Variants in TGFBR3 observed in about 807,000 individuals in gnomAD.
TGFBR3 encodes the protein transforming growth factor beta receptor type 3.
TGFBR3 carries 46 observed loss-of-function variants against 87.9 expected under a neutral mutation model. The observed-to-expected ratio is 0.52, with a 90% CI of 0.41 to 0.67. The LOEUF (loss-of-function observed/expected upper bound fraction) is 0.67, where lower values mean the gene tolerates loss of function less well. TGFBR3 is among the 30% of genes least tolerant of loss of function. The probability of loss-of-function intolerance (pLI) is 0.00; values close to 1 mark genes in which losing one functional copy is unlikely to be tolerated. For missense variants in TGFBR3, 866 were observed against 1,041.9 expected (o/e 0.83, Z 2.32); for synonymous variants, 381 against 391.6 (o/e 0.97, Z 0.32).
At chr1:91,687,247 A>T (rs1211941786) in intron 16 of TGFBR3, among the ~76,000 whole-genome samples, 1 of 152,190 alleles carries the variant, frequency 6.6e-6, no homozygotes, top group Non-Finnish European at 1.5e-5. Flanking sequence ...TGAGGCCAGG[A>T]GTTAGAGACT....
chr1:91,868,751 C>A (rs932282323), intron 1 of TGFBR3, among the ~76,000 whole-genome samples: 33 of 152,154 alleles, frequency 2.2e-4, no homozygotes, highest in African/African-American at 7.5e-4. Context: ...TCCCTCAGGC[C>A]CTAGCAAGCA....
At chr1:91,739,191 T>C (rs539506866) in intron 4 of TGFBR3, among the ~76,000 whole-genome samples, 1 of 152,262 alleles carries the variant, frequency 6.6e-6, no homozygotes, top group Non-Finnish European at 1.5e-5. Context: ...TTTCGCAGGA[T>C]GGCTCTGGCT....
At chr1:91,698,513 C>G (rs918991060) in intron 14 of TGFBR3, among the ~76,000 whole-genome samples, 1 of 120,736 alleles carries the variant, frequency 8.3e-6, no homozygotes, top group Admixed American at 8.5e-5. Flanking sequence ...TCAAAATATT[C>G]TTTTTTTTTT....
At position 91,861,456 on chromosome 1, in the gene TGFBR3, T is replaced by C; in HGVS notation, c.61+15A>G. 1 of 1,590,996 alleles carries C rather than the reference T, an allele frequency of 6.3e-7. No homozygotes were observed. Among genetic ancestry groups the C allele is most frequent in the Non-Finnish European group, 8.6e-7 (1 of 1,159,206 alleles). On this transcript the variant is annotated intron_variant, in intron 2 of 16. Coordinates refer to ENST00000212355, the MANE Select transcript of TGFBR3 (RefSeq NM_003243.5). ...AAATATATAACAAATATGCAATTTA[T>C]ATTATGCAACTTACCTGCAGTGGCT...
intron 14 of TGFBR3, among the ~76,000 whole-genome samples, chr1:91,706,159 T>C (rs1671792832): frequency 6.6e-6 from 1 of 152,166 alleles, no homozygotes; most frequent in South Asian, 2.1e-4. Flanking sequence ...ATTGTTAAAT[T>C]ATCAGAGACA....
intron 3 of TGFBR3, among the ~76,000 whole-genome samples, chr1:91,777,423 T>C (rs1003403016): frequency 2.6e-5 from 4 of 152,204 alleles, no homozygotes; most frequent in Non-Finnish European, 2.9e-5. Flanking sequence ...CTATTTTATT[T>C]ACCAGTCTCC....
chr1:91,887,082 G>A (rs1679341038), upstream of TGFBR3, among the ~76,000 whole-genome samples: 1 of 151,942 alleles, frequency 6.6e-6, no homozygotes, highest in African/African-American at 2.4e-5. Context: ...TGAAATGACC[G>A]TGGACTGACA....
At chr1:91,853,259 CAAAAAAAAAAAAAA>C (rs11340974) in intron 2 of TGFBR3, among the ~76,000 whole-genome samples, 1 of 76,608 alleles carries the variant, frequency 1.3e-5, no homozygotes, top group African/African-American at 4.4e-5. Context: ...TGAGGGTTGG[CAAAAAAAAAAAAAA>C]AAAAAAAAAG....
At chr1:91,795,011 T>G (rs535469277) in intron 3 of TGFBR3, among the ~76,000 whole-genome samples, 2 of 152,368 alleles carry the variant, frequency 1.3e-5, no homozygotes, top group East Asian at 3.9e-4. Flanking sequence ...TTAATCCTTA[T>G]ACACACCCAT....
intron 3 of TGFBR3, among the ~76,000 whole-genome samples, chr1:91,786,028 T>TGCTGA (rs1357672789): frequency 6.6e-6 from 1 of 152,142 alleles, no homozygotes; most frequent in Non-Finnish European, 1.5e-5. Context: ...CCTCCCAAAG[T>TGCTGA]GCTGAGATTA....
chr1:91,890,207 G>A (rs1216804321), upstream of TGFBR3, among the ~76,000 whole-genome samples: 2 of 151,960 alleles, frequency 1.3e-5, no homozygotes, highest in African/African-American at 2.4e-5. Context: ...GAGTTTCAGT[G>A]ATTTACTGAG....
intron 2 of TGFBR3, among the ~76,000 whole-genome samples, chr1:91,819,085 C>T (rs780820113): frequency 9.9e-5 from 15 of 152,098 alleles, no homozygotes; most frequent in Admixed American, 2.6e-4. Context: ...AAATCCTGAT[C>T]ATCGCCAGGT....
chr1:91,795,844 G>A (rs889669336), intron 3 of TGFBR3, among the ~76,000 whole-genome samples: 1 of 152,154 alleles, frequency 6.6e-6, no homozygotes, highest in Non-Finnish European at 1.5e-5. Flanking sequence ...GCAACCAAGA[G>A]TATTAACAAT....
At chr1:91,814,480 A>G (rs1462980807) in intron 2 of TGFBR3, among the ~76,000 whole-genome samples, 2 of 152,178 alleles carry the variant, frequency 1.3e-5, no homozygotes, top group African/African-American at 4.8e-5. Context: ...GTAAAACTAC[A>G]TATTTGAGCC....
chr1:91,798,796 A>C (rs974229263), intron 2 of TGFBR3, among the ~76,000 whole-genome samples: 32 of 152,336 alleles, frequency 2.1e-4, no homozygotes, highest in African/African-American at 7.5e-4. Context: ...GCTTAAAAAA[A>C]ATTGCCCCCT....
intron 2 of TGFBR3, among the ~76,000 whole-genome samples, chr1:91,806,356 G>A (rs1419744425): frequency 6.6e-6 from 1 of 152,062 alleles, no homozygotes; most frequent in Non-Finnish European, 1.5e-5. Context: ...TCCAAAACTC[G>A]ACAGAACGCA....
upstream of TGFBR3, among the ~76,000 whole-genome samples, chr1:91,890,764 G>A (rs1280381795): frequency 2.0e-5 from 3 of 152,070 alleles, 1 homozygote; most frequent in East Asian, 3.9e-4. Context: ...GAGAGGTTAT[G>A]TAACTTGCCC....
intron 10 of TGFBR3, 95 bp from the exon 11 acceptor site, chr1:91,716,803 T>G: frequency 6.8e-7 from 1 of 1,479,860 alleles, no homozygotes; most frequent in Non-Finnish European, 9.4e-7. Context: ...ATCATTCTGA[T>G]GCAAATTGAA....
In TGFBR3 at chr1:91,699,431, C is replaced by CTTTTTTTTTTTTT. The variant is rs60223260; in HGVS notation, c.2288-1314_2288-1302dup. 2.5e-3 allele frequency among the ~76,000 whole-genome samples: 203 copies of CTTTTTTTTTTTTT among 80,844 alleles called. 1 individual carries two copies. Among genetic ancestry groups the CTTTTTTTTTTTTT allele is most frequent in the South Asian group, 3.4e-3 (6 of 1,740 alleles). 53.0% of individuals were successfully genotyped at this position (80,844 alleles called of 152,430 possible). A position where few individuals can be genotyped will look rare whatever the true frequency, so the allele number is the denominator to read the frequency against. On this transcript the variant is annotated intron_variant, in intron 14 of 16. Transcript: ENST00000212355. The stretch of plus-strand genomic sequence containing the variant: ...TCTCTCTCTTTTTCTCTTTCTTTTG[C>CTTTTTTTTTTTTT]TTTTTTTTTTTTTTTTTTTTTTTGC...
Sources: allele counts gnomAD v4.1 joint callset (sites outside exome capture counted in the v4.1 genomes callset), GRCh38; gene constraint gnomAD v4.1.1; transcripts MANE v1.5; gene names NCBI Gene and HGNC (gene_info 2026-07-23, HGNC 2026-07-21).